Variants in ERCC1 observed in about 807,000 individuals in gnomAD.
ERCC1 encodes ERCC excision repair 1, endonuclease non-catalytic subunit.
ERCC1 carries 36 observed loss-of-function variants against 37.6 expected under a neutral mutation model. The ratio of observed to expected loss-of-function variants is 0.96; its 90% CI spans 0.73 to 1.26. ERCC1 has a LOEUF of 1.26. Among genes scored for constraint, ERCC1 ranks in the 50% most tolerant of loss-of-function variants. The pLI, the probability that ERCC1 is intolerant of heterozygous loss-of-function variation, is 0.00. For synonymous variants in ERCC1, 156 were observed against 162.1 expected, an observed-to-expected ratio of 0.96 and a Z score of 0.28; for missense variants, 349 against 376.5, an observed-to-expected ratio of 0.93 and a Z score of 0.60.
chr19:45,409,611 C>T lies in ERCC1; in HGVS notation c.*64G>A, dbSNP rs1018111806. 1.9e-6 allele frequency: 3 copies of T among 1,572,352 alleles called. No homozygotes were observed. The African/African-American group carries it at 4.0e-5, about 21-fold the overall frequency. Reference sequence around the variant, plus strand: ...CCAGAGACTGCACCAGCGCAGCCAGCAGGAGCCTGGCCTGGGAGGACGATT... The same window carrying T: ...CCAGAGACTGCACCAGCGCAGCCAGTAGGAGCCTGGCCTGGGAGGACGATT... On this transcript the variant is annotated 3_prime_UTR_variant, in exon 10 of 10. Coordinates refer to ENST00000300853, the MANE Select transcript of ERCC1 (RefSeq NM_001983.4).
At chr19:45,443,016 CG>C (rs1427058047) in intron 1 of ERCC1, among the ~76,000 whole-genome samples, 3 of 151,822 alleles carry the variant, frequency 2.0e-5, no homozygotes, top group Admixed American at 1.3e-4. Flanking sequence ...TCATGCCCCG[CG>C]GGGGGGATGA....
chr19:45,418,771 CA>C (rs552399799), intron 5 of ERCC1, among the ~76,000 whole-genome samples: 269 of 151,274 alleles, frequency 1.8e-3, no homozygotes, highest in African/African-American at 6.3e-3. Context: ...TGCAGTGAGC[CA>C]AGATCAAGTC....
chr19:45,420,373 C>CCA lies in ERCC1; in HGVS notation c.375_376insTG (p.Val126TrpfsTer2). 6.2e-7 allele frequency: 1 copy of CCA among 1,613,902 alleles called. No individual in the cohort carries two copies. The highest frequency in any genetic ancestry group is 8.5e-7 in the Non-Finnish European group (1 of 1,179,896). On this transcript the variant is annotated frameshift_variant, in exon 4 of 10. Coordinates refer to ENST00000300853, the MANE Select transcript of ERCC1 (RefSeq NM_001983.4). LOFTEE classifies it high-confidence loss of function. The surrounding 1 kb of genome is among the most constrained non-coding windows in gnomAD (Gnocchi z 4.8). ...TGGCCCAGCACATAGTCGGGAATTA[C>CCA]GTCGCCAAATTCCCAGGGCACATTG...
intron 2 of ERCC1, among the ~76,000 whole-genome samples, chr19:45,422,639 C>T (rs1974507548): frequency 6.6e-6 from 1 of 152,110 alleles, no homozygotes. Flanking sequence ...CTCCTGTAAT[C>T]CCAGTTACTC....
At chr19:45,439,802 GC>G (rs1371555070) in intron 1 of ERCC1, among the ~76,000 whole-genome samples, 4 of 152,012 alleles carry the variant, frequency 2.6e-5, no homozygotes, top group African/African-American at 9.7e-5. Context: ...CCCTCGCCGT[GC>G]CTCGGGGTAG....
intron 9 of ERCC1, 180 bp downstream of exon 9, chr19:45,413,497 A>G (rs1401458103): frequency 7.3e-7 from 1 of 1,375,878 alleles, no homozygotes; most frequent in Non-Finnish European, 1.0e-6. Flanking sequence ...GCTGGTCTCC[A>G]ACTTCTGGCC....
chr19:45,440,158 A>C lies in ERCC1; in HGVS notation c.-7-16777T>G, dbSNP rs184501421. 1.0e-2 allele frequency among the ~76,000 whole-genome samples: 1,448 copies of C among 145,240 alleles called. 18 individuals carry two copies. Among genetic ancestry groups the C allele is most frequent in the Admixed American group, 0.018 (262 of 14,660 alleles). On this transcript the variant is annotated intron_variant, in intron 1 of 8. Coordinates refer to the ERCC1 transcript ENST00000423698. ...CCGCCGCTAGCCTGGCTGCCTTCCT[A>C]CGTCCCCCACATTGTATCCTCATCC... is the stretch of plus-strand genomic sequence containing the variant.
intron 1 of ERCC1, among the ~76,000 whole-genome samples, chr19:45,446,991 C>T (rs972370401): frequency 6.6e-5 from 10 of 151,840 alleles, no homozygotes; most frequent in African/African-American, 2.4e-4. Flanking sequence ...GGGTGAGACT[C>T]TGTCTAAAAA....
At chr19:45,427,700 G>A (rs545505545), upstream of ERCC1, among the ~76,000 whole-genome samples, 4 of 152,290 alleles carry the variant, frequency 2.6e-5, no homozygotes, top group East Asian at 5.8e-4. Flanking sequence ...CAAGTAGAAG[G>A]GCTTGTGACT....
Position 45,423,815 on chromosome 19 carries a change from G to C in ERCC1, c.-42C>G. ...GGGCCTCACGGTTTCAGCGCCGCGA[G>C]GCCTCACCTGCTGGTCTTGGAGCCT... On this transcript the variant is annotated 5_prime_UTR_variant, in exon 1 of 10. Coordinates refer to ENST00000300853, the MANE Select transcript of ERCC1 (RefSeq NM_001983.4). 8.8e-7 allele frequency: 1 copy of C among 1,132,426 alleles called. No individual in the cohort carries two copies. Among genetic ancestry groups the C allele is most frequent in the Non-Finnish European group, 1.1e-6 (1 of 916,416 alleles). The allele number at this position is 1,132,426 out of a possible 1,614,324, so 70.1% of individuals were successfully genotyped here.
upstream of ERCC1, among the ~76,000 whole-genome samples, chr19:45,427,580 C>T (rs572286820): frequency 2.6e-5 from 4 of 152,310 alleles, no homozygotes; most frequent in African/African-American, 9.6e-5. Flanking sequence ...CACCACTGCA[C>T]TCTAGCCTGG....
upstream of ERCC1, among the ~76,000 whole-genome samples, chr19:45,428,065 C>CTT (rs1974740058): frequency 2.1e-5 from 3 of 142,860 alleles, no homozygotes; most frequent in African/African-American, 8.4e-5. Flanking sequence ...TTCTTTTTTT[C>CTT]TTTTTCTTTC....
At chr19:45,444,454 G>A (rs1975208048) in intron 1 of ERCC1, among the ~76,000 whole-genome samples, 1 of 151,948 alleles carries the variant, frequency 6.6e-6, no homozygotes, top group Non-Finnish European at 1.5e-5. Context: ...AACAGGCCCC[G>A]CCCCGCCCCA....
At chr19:45,440,341 C>CGTCCTGAATCTGCCCCTTACCATCTCT in intron 1 of ERCC1, among the ~76,000 whole-genome samples, 1 of 152,088 alleles carries the variant, frequency 6.6e-6, no homozygotes, top group Non-Finnish European at 1.5e-5. Flanking sequence ...AATCTCCTGT[C>CGTCCTGAATCTGCCCCTTACCATCTCT]GTCCTGAATC....
At chr19:45,411,886 T>C (rs1568575121) in intron 9 of ERCC1, among the ~76,000 whole-genome samples, 3 of 151,766 alleles carry the variant, frequency 2.0e-5, no homozygotes, top group African/African-American at 7.3e-5. Flanking sequence ...AGATGGAGTC[T>C]CACTCTGTCA....
chr19:45,424,458 T>A (rs1385822927), upstream of ERCC1: 1 of 152,124 alleles, frequency 6.6e-6, no homozygotes, highest in Non-Finnish European at 1.5e-5. Flanking sequence ...AGCCCCGGAG[T>A]CCGGAAGGGC....
chr19:45,423,523 C>A (rs528589349), intron 1 of ERCC1, 142 bp from the exon 2 acceptor site: 16 of 1,462,588 alleles, frequency 1.1e-5, no homozygotes, highest in Non-Finnish European at 1.3e-5. Flanking sequence ...GCGCTAGAGG[C>A]TCTGTAACGC....
rs745768324 is a variant in ERCC1, at chr19:45,416,868, CA to C, written c.554del (p.Leu185ArgfsTer12). On this transcript the variant is annotated frameshift_variant, in exon 6 of 10. Transcript: ENST00000300853. LOFTEE classifies it high-confidence loss of function. ...AGTCGGCCAGGATACACATCTTAGC[CA>C]GCTCCTTGAGGGCCTGCTGGGGATC... ...VKDPQQALKE[L>X]AKMCILADCT... The C allele has an allele frequency of 6.2e-7, 1 of 1,613,720 alleles. No homozygotes were observed. Among genetic ancestry groups the C allele is most frequent in the East Asian group, 2.2e-5 (1 of 44,856 alleles).
chr19:45,437,654 G>A (rs909644854), intron 1 of ERCC1, among the ~76,000 whole-genome samples: 13 of 152,098 alleles, frequency 8.5e-5, no homozygotes, highest in South Asian at 2.1e-4. Context: ...TTAAAAAGTC[G>A]AGCTCATAGA....
Sources: gnomAD v4.1 joint callset for allele counts (sites outside exome capture counted in the v4.1 genomes callset) on GRCh38, gnomAD v4.1.1 for gene constraint, Gnocchi (gnomAD v3.1) non-coding constraint, MANE v1.5 for transcripts, NCBI Gene and HGNC (gene_info 2026-07-23, HGNC 2026-07-21) for gene names.